MACROD2: variants seen among roughly 807,000 people sequenced by gnomAD.
MACROD2 encodes the protein ADP-ribose glycohydrolase MACROD2.
MACROD2 carries 36 observed loss-of-function variants against 70.4 expected under a neutral mutation model. The ratio of observed to expected loss-of-function variants is 0.51; its 90% confidence interval spans 0.39 to 0.68. The LOEUF (loss-of-function observed/expected upper bound fraction) is 0.68. MACROD2 is among the 30% of genes least tolerant of loss of function. The pLI is 0.00. For synonymous variants in MACROD2, 172 were observed against 178.8 expected (o/e 0.96, Z 0.30); for missense variants, 496 against 538.4 (o/e 0.92, Z 0.78).
intron 4 of MACROD2, among the ~76,000 whole-genome samples, chr20:14,625,998 G>A (rs1384959554): frequency 6.6e-6 from 1 of 151,960 alleles, no homozygotes; most frequent in Non-Finnish European, 1.5e-5. Context: ...AATTTTTTTG[G>A]TATTTTTAGT....
intron 8 of MACROD2, among the ~76,000 whole-genome samples, chr20:15,860,646 C>A (rs2064412932): frequency 6.6e-6 from 1 of 151,994 alleles, no homozygotes. Context: ...TGTACCTATC[C>A]CCATAGTTAG....
At chr20:14,207,555 CA>C (rs34098350) in intron 3 of MACROD2, among the ~76,000 whole-genome samples, 23,626 of 152,148 alleles carry the variant, frequency 0.16, 1,948 homozygotes, top group East Asian at 0.26. Context: ...GCTACATTGC[CA>C]AACTTCCTTA....
At chr20:14,479,539 A>G (rs1253992215) in intron 3 of MACROD2, among the ~76,000 whole-genome samples, 1 of 152,102 alleles carries the variant, frequency 6.6e-6, no homozygotes, top group Non-Finnish European at 1.5e-5. Flanking sequence ...ATGCCCTGCA[A>G]CTATGCTGTT....
At chr20:14,348,031 G>T (rs1051335168) in intron 3 of MACROD2, among the ~76,000 whole-genome samples, 2 of 152,128 alleles carry the variant, frequency 1.3e-5, no homozygotes, top group African/African-American at 4.8e-5. Flanking sequence ...GGAGGCTGAG[G>T]CAGGTGGATC....
At chr20:14,062,607 A>G (rs2053703513) in intron 2 of MACROD2, among the ~76,000 whole-genome samples, 1 of 152,130 alleles carries the variant, frequency 6.6e-6, no homozygotes, top group African/African-American at 2.4e-5. Flanking sequence ...GAGGCTATAA[A>G]ATAGGTTAGG....
intron 7 of MACROD2, among the ~76,000 whole-genome samples, chr20:15,474,475 A>T (rs2046996737): frequency 6.6e-6 from 1 of 151,924 alleles, no homozygotes; most frequent in African/African-American, 2.4e-5. Context: ...TCTTCTCTCA[A>T]CCTCTAATTT....
At chr20:14,068,494 A>G (rs745736880) in intron 2 of MACROD2, among the ~76,000 whole-genome samples, 18 of 152,178 alleles carry the variant, frequency 1.2e-4, no homozygotes, top group Non-Finnish European at 2.2e-4. Context: ...GATAACTTCA[A>G]TACTGTGAAG....
intron 6 of MACROD2, among the ~76,000 whole-genome samples, chr20:15,292,924 G>A (rs1403200675): frequency 6.6e-6 from 1 of 151,958 alleles, no homozygotes; most frequent in African/African-American, 2.4e-5. Flanking sequence ...TTAACATCAG[G>A]TTTGGAAGGG....
intron 8 of MACROD2, among the ~76,000 whole-genome samples, chr20:15,528,957 TTAGA>T (rs544090171): frequency 3.9e-5 from 6 of 152,318 alleles, no homozygotes; most frequent in African/African-American, 1.4e-4. Context: ...GGGTAATGTA[TTAGA>T]TAGAATTACT....
chr20:14,674,067 A>G (rs2070829706), intron 4 of MACROD2, among the ~76,000 whole-genome samples: 1 of 152,218 alleles, frequency 6.6e-6, no homozygotes, highest in Admixed American at 6.5e-5. Context: ...AATGTTGTCA[A>G]TCTATTAAAA....
At chr20:15,289,781 A>G (rs531360707) in intron 6 of MACROD2, among the ~76,000 whole-genome samples, 1 of 152,326 alleles carries the variant, frequency 6.6e-6, no homozygotes, top group East Asian at 1.9e-4. Context: ...GCCTCAGAGG[A>G]CTTTCTGGCT....
intron 8 of MACROD2, among the ~76,000 whole-genome samples, chr20:15,638,402 G>A (rs1359452583): frequency 6.6e-6 from 1 of 152,184 alleles, no homozygotes; most frequent in African/African-American, 2.4e-5. Flanking sequence ...AAGTGTGCGA[G>A]GCTTGGAATG....
chr20:14,881,632 A>G (rs2073612069), intron 5 of MACROD2, among the ~76,000 whole-genome samples: 1 of 152,098 alleles, frequency 6.6e-6, no homozygotes, highest in Admixed American at 6.6e-5. Context: ...CTTGGTTTTC[A>G]TGCTGACAGG....
intron 2 of MACROD2, chr20:14,053,070 C>T (rs1601163552): frequency 1.4e-5 from 2 of 144,010 alleles, no homozygotes; most frequent in African/African-American, 2.5e-5. Flanking sequence ...GTATTATTTT[C>T]TCCTCTTCTT....
At chr20:15,824,251 C>G (rs1037151545) in intron 8 of MACROD2, among the ~76,000 whole-genome samples, 1 of 151,960 alleles carries the variant, frequency 6.6e-6, no homozygotes, top group African/African-American at 2.4e-5. Context: ...CTCTCTCTCT[C>G]TCTCTCTGTG....
At chr20:15,920,113 T>C (rs2065380525) in intron 10 of MACROD2, among the ~76,000 whole-genome samples, 1 of 152,194 alleles carries the variant, frequency 6.6e-6, no homozygotes, top group South Asian at 2.1e-4. Context: ...AAATGACAGC[T>C]GATGCCTTCT....
rs146052986 is a variant in MACROD2, at chr20:15,009,581, G to C, written c.419-220359G>C. Among the ~76,000 whole-genome samples the C allele has an allele frequency of 6.8e-4, 104 of 152,154 alleles. 1 individual carries two copies. Among genetic ancestry groups the C allele is most frequent in the East Asian group, 5.8e-3 (30 of 5,166 alleles). ...TATAAAGAGCATGTTTTGTTTATCTGAGCAAAACTATATCATGAGACTAAT... is the reference window on the plus strand; with the variant it reads ...TATAAAGAGCATGTTTTGTTTATCTCAGCAAAACTATATCATGAGACTAAT... On this transcript the variant is annotated intron_variant, in intron 5 of 17. Transcript: ENST00000684519.
intron 4 of MACROD2, among the ~76,000 whole-genome samples, chr20:14,594,400 C>T (rs987648273): frequency 4.6e-5 from 7 of 152,152 alleles, no homozygotes; most frequent in African/African-American, 1.7e-4. Flanking sequence ...TAATATAACA[C>T]TTCCTACTCC....
intron 5 of MACROD2, among the ~76,000 whole-genome samples, chr20:15,198,967 TTGAGCATTTTTTTTCAAATG>T (rs2076630995): frequency 6.6e-6 from 1 of 151,976 alleles, no homozygotes; most frequent in Non-Finnish European, 1.5e-5. Flanking sequence ...AGTGGCTTCA[TTGAGCATTTTTTTTCAAATG>T]TGAATTAGCA....
Sources: gnomAD v4.1 joint callset for allele counts (sites outside exome capture counted in the v4.1 genomes callset) on GRCh38, gnomAD v4.1.1 for gene constraint, MANE v1.5 for transcripts, NCBI Gene and HGNC (gene_info 2026-07-23, HGNC 2026-07-21) for gene names.